Variants in TLE4 observed in about 807,000 individuals in gnomAD.
TLE4 encodes the protein transducin-like enhancer protein 4.
In TLE4, 8 loss-of-function variants were observed where a neutral mutation model predicts 92.8. That is an observed-to-expected ratio of 0.09 (90% CI 0.05 to 0.16). The LOEUF is 0.16. Ranked by LOEUF, TLE4 falls within the 10% of genes least tolerant of loss-of-function variation. The pLI is 1.00. For synonymous variants in TLE4, 371 were observed against 374.1 expected (o/e 0.99, Z 0.10); for missense variants, 675 against 997.6 (o/e 0.68, Z 4.36).
intron 6 of TLE4, among the ~76,000 whole-genome samples, chr9:79,635,623 A>G (rs2055569627): frequency 7.2e-6 from 1 of 139,460 alleles, no homozygotes; most frequent in Non-Finnish European, 1.6e-5. Context: ...TTCTAGCACT[A>G]TTTGTTGAAA....
At chr9:79,698,622 C>T (rs78158491) in intron 8 of TLE4, among the ~76,000 whole-genome samples, 3,774 of 151,998 alleles carry the variant, frequency 0.025, 158 homozygotes, top group African/African-American at 0.085. Context: ...CTTAATCAAG[C>T]AGGTTATAAA....
At chr9:79,670,094 TACTC>T (rs2134801150) in intron 8 of TLE4, among the ~76,000 whole-genome samples, 2 of 152,082 alleles carry the variant, frequency 1.3e-5, no homozygotes, top group South Asian at 4.1e-4. Context: ...CAGGGTTTAT[TACTC>T]AAGAGAGGAG....
rs1437736406 is a variant in TLE4 at position 79,691,014 on chromosome 9, A to G, written c.610-13769A>G. 2.0e-5 allele frequency among the ~76,000 whole-genome samples: 3 copies of G among 152,026 alleles called. No individual in the cohort carries two copies. In the South Asian group the frequency reaches 6.2e-4, roughly 32 times the overall value. Reference sequence around the variant, plus strand: ...TGGCATCATTATATTGACAAACTTGATTCCATTCTAATTTTGTATTCACAT... The same window carrying G: ...TGGCATCATTATATTGACAAACTTGGTTCCATTCTAATTTTGTATTCACAT... On this transcript the variant is annotated intron_variant, in intron 8 of 19. Coordinates refer to ENST00000376552, the MANE Select transcript of TLE4 (RefSeq NM_007005.6).
At chr9:79,645,209 A>G (rs1359237326) in intron 6 of TLE4, among the ~76,000 whole-genome samples, 1 of 152,066 alleles carries the variant, frequency 6.6e-6, no homozygotes, top group Non-Finnish European at 1.5e-5. Flanking sequence ...CACAAGATAT[A>G]GCAGGTTCAC....
intron 4 of TLE4, among the ~76,000 whole-genome samples, chr9:79,592,274 TC>T (rs1385549404): frequency 9.4e-4 from 134 of 143,300 alleles, no homozygotes; most frequent in Non-Finnish European, 1.6e-3. Context: ...TTCTTCTTCT[TC>T]TTTTTTTTTT....
At chr9:79,614,800 C>A (rs570202307) in intron 5 of TLE4, among the ~76,000 whole-genome samples, 1 of 152,088 alleles carries the variant, frequency 6.6e-6, no homozygotes, top group South Asian at 2.1e-4. Flanking sequence ...TTTTTCTTTG[C>A]AATTTTTTTT....
chr9:79,613,583 T>C (rs1225890773), intron 5 of TLE4, among the ~76,000 whole-genome samples: 1 of 152,192 alleles, frequency 6.6e-6, no homozygotes, highest in Non-Finnish European at 1.5e-5. Flanking sequence ...TAATGAAATA[T>C]CTGCATGTCT....
chr9:79,660,491 CCAAAATAA>C (rs1368402319), intron 8 of TLE4, among the ~76,000 whole-genome samples: 2 of 151,988 alleles, frequency 1.3e-5, no homozygotes, highest in Admixed American at 6.5e-5. Context: ...TTTCAATTTC[CCAAAATAA>C]CAAAATAAGA....
intron 4 of TLE4, among the ~76,000 whole-genome samples, chr9:79,582,966 T>G (rs2040093951): frequency 6.6e-6 from 1 of 152,182 alleles, no homozygotes; most frequent in Non-Finnish European, 1.5e-5. Flanking sequence ...TTGTTCAAAG[T>G]AAGTATACTG....
chr9:79,675,580 A>G (rs776878730), intron 8 of TLE4, among the ~76,000 whole-genome samples: 4 of 152,214 alleles, frequency 2.6e-5, no homozygotes, highest in Non-Finnish European at 5.9e-5. Context: ...TAAAACAAAC[A>G]TAAAATCCTG....
chr9:79,590,322 G>A (rs949414038), intron 4 of TLE4, among the ~76,000 whole-genome samples: 1 of 152,210 alleles, frequency 6.6e-6, no homozygotes, highest in African/African-American at 2.4e-5. Flanking sequence ...ATTCCAATGT[G>A]TGCTTCTTAA....
At chr9:79,694,575 GAA>G (rs761299120) in intron 8 of TLE4, among the ~76,000 whole-genome samples, 3 of 152,240 alleles carry the variant, frequency 2.0e-5, no homozygotes, top group Admixed American at 6.5e-5. Context: ...TCAGCATACT[GAA>G]GTTACTATCA....
intron 8 of TLE4, among the ~76,000 whole-genome samples, chr9:79,687,012 T>G (rs918451709): frequency 2.6e-5 from 4 of 152,220 alleles, no homozygotes; most frequent in African/African-American, 9.6e-5. Context: ...GACACTGCAC[T>G]TAGGCTCTGG....
At chr9:79,706,624 T>C in intron 10 of TLE4, 123 bp from the exon 11 acceptor site, 1 of 1,279,706 alleles carries the variant, frequency 7.8e-7, no homozygotes, top group South Asian at 1.5e-5. Context: ...TTGTTATCTG[T>C]TCTAGCACAT....
At chr9:79,695,183 G>C (rs2067960050) in intron 8 of TLE4, among the ~76,000 whole-genome samples, 1 of 152,124 alleles carries the variant, frequency 6.6e-6, no homozygotes, top group South Asian at 2.1e-4. Flanking sequence ...ACTGACCTTG[G>C]GGGAGGGGCC....
At chr9:79,641,948 C>CTT (rs79662369) in intron 6 of TLE4, among the ~76,000 whole-genome samples, 1 of 142,188 alleles carries the variant, frequency 7.0e-6, no homozygotes, top group African/African-American at 2.6e-5. Context: ...GCATAGTGGA[C>CTT]TTTTTTTTTT....
intron 6 of TLE4, among the ~76,000 whole-genome samples, chr9:79,641,523 T>G (rs1428033738): frequency 6.6e-6 from 1 of 152,186 alleles, no homozygotes; most frequent in Admixed American, 6.5e-5. Flanking sequence ...GCTCACTGGA[T>G]TCTCACTAGG....
intron 4 of TLE4, among the ~76,000 whole-genome samples, chr9:79,604,974 T>TA (rs1564317901): frequency 6.6e-6 from 1 of 151,952 alleles, no homozygotes; most frequent in Admixed American, 6.6e-5. Context: ...AACATTTATT[T>TA]ATGTCAGTAG....
At chr9:79,649,722 AAGCCTTACTG>A in intron 6 of TLE4, 1 of 1,014,790 alleles carries the variant, frequency 9.9e-7, no homozygotes, top group Non-Finnish European at 1.3e-6. Context: ...GGACCTCAGG[AAGCCTTACTG>A]TGAATGTCAT....
Sources: gnomAD v4.1 joint callset for allele counts (sites outside exome capture counted in the v4.1 genomes callset) on GRCh38, gnomAD v4.1.1 for gene constraint, MANE v1.5 for transcripts, NCBI Gene and HGNC (gene_info 2026-07-23, HGNC 2026-07-21) for gene names.